CELF2: variants seen among roughly 807,000 people sequenced by gnomAD.
The protein encoded by CELF2 is CUG triplet repeat RNA-binding protein 2.
Under a neutral mutation model 62.6 loss-of-function variants are expected in CELF2, and 8 were observed. That is an observed-to-expected ratio of 0.13 (90% CI 0.07 to 0.23). The LOEUF is 0.23. CELF2 is among the 10% of genes least tolerant of loss of function. CELF2 has a pLI of 1.00. For synonymous variants in CELF2, 258 were observed against 250.0 expected (o/e 1.03, Z -0.30); for missense variants, 333 against 671.0 (o/e 0.50, Z 5.56).
chr10:11,025,152 CATTT>C (rs2058938834), intron 1 of CELF2, among the ~76,000 whole-genome samples: 1 of 151,642 alleles, frequency 6.6e-6, no homozygotes, highest in South Asian at 2.1e-4. Flanking sequence ...AGTATTTTGT[CATTT>C]ACTTGAATGT....
the CELF2 span, among the ~76,000 whole-genome samples, chr10:10,517,595 A>C: frequency 6.6e-6 from 1 of 152,100 alleles, no homozygotes; most frequent in Non-Finnish European, 1.5e-5. Flanking sequence ...AGTGAAACGC[A>C]CTGGAGACAT....
intron 8 of CELF2, among the ~76,000 whole-genome samples, chr10:11,276,378 A>C (rs1565708464): frequency 6.6e-6 from 1 of 152,366 alleles, no homozygotes; most frequent in East Asian, 1.9e-4. Context: ...GATTATTAGA[A>C]ATAGGAATAA....
At chr10:10,923,184 T>A (rs1400012461) in intron 2 of CELF2, 2 of 152,038 alleles carry the variant, frequency 1.3e-5, no homozygotes, top group African/African-American at 4.8e-5. Context: ...ACACTTCGAG[T>A]TTTTTCTGCA....
chr10:10,702,775 G>A, the CELF2 span, among the ~76,000 whole-genome samples: 2,513 of 152,254 alleles, frequency 0.017, 62 homozygotes, highest in African/African-American at 0.056. Context: ...TAGTAGAGAC[G>A]GGTTTTCGCC....
At chr10:10,698,092 G>A in the CELF2 span, among the ~76,000 whole-genome samples, 1 of 152,162 alleles carries the variant, frequency 6.6e-6, no homozygotes, top group African/African-American at 2.4e-5. Flanking sequence ...TGGGGGGTGG[G>A]GCACACACCT....
At chr10:10,516,963 C>T in the CELF2 span, among the ~76,000 whole-genome samples, 1 of 152,132 alleles carries the variant, frequency 6.6e-6, no homozygotes, top group Non-Finnish European at 1.5e-5. Context: ...CACAGCATGT[C>T]CCCTCTTTGA....
At chr10:10,674,234 T>A in the CELF2 span, among the ~76,000 whole-genome samples, 2 of 152,214 alleles carry the variant, frequency 1.3e-5, no homozygotes, top group African/African-American at 4.8e-5. Context: ...TAAGAACCAT[T>A]GTCTTCTTGG....
intron 7 of CELF2, among the ~76,000 whole-genome samples, chr10:11,271,236 G>C (rs1017757197): frequency 6.6e-6 from 1 of 152,210 alleles, no homozygotes; most frequent in Admixed American, 6.5e-5. Flanking sequence ...AGTGGAACCA[G>C]ATTGATGAAA....
chr10:11,144,292 A>G (rs78956346), intron 1 of CELF2, among the ~76,000 whole-genome samples: 6,751 of 152,314 alleles, frequency 0.044, 166 homozygotes, highest in Middle Eastern at 0.048. Flanking sequence ...TAGTTGGGCA[A>G]TTAGGCAAAA....
intron 1 of CELF2, among the ~76,000 whole-genome samples, chr10:11,026,373 C>T (rs4750014): frequency 0.74 from 112,128 of 152,136 alleles, 44,978 homozygotes; most frequent in East Asian, 0.89. Context: ...AATACCTACC[C>T]GCCTCCCCCG....
At chr10:10,776,045 A>G in the CELF2 span, among the ~76,000 whole-genome samples, 2 of 152,256 alleles carry the variant, frequency 1.3e-5, no homozygotes, top group African/African-American at 4.8e-5. Context: ...CAGAGGCATC[A>G]TTAATAGAAA....
chr10:10,576,121 T>C, the CELF2 span, among the ~76,000 whole-genome samples: 1 of 152,180 alleles, frequency 6.6e-6, no homozygotes, highest in Non-Finnish European at 1.5e-5. Context: ...CCCCAGATCT[T>C]TTCTGTTTCT....
the CELF2 span, among the ~76,000 whole-genome samples, chr10:10,710,693 G>C: frequency 6.6e-6 from 1 of 152,052 alleles, no homozygotes; most frequent in Non-Finnish European, 1.5e-5. Flanking sequence ...GGAGCAGTAA[G>C]GGTCCCATCT....
rs909555995 is a variant in CELF2, at chr10:11,316,384, G to A, written c.1096+2126G>A. Among the ~76,000 whole-genome samples the A allele has an allele frequency of 2.0e-5, 3 of 152,180 alleles. No individual in the cohort carries two copies. Among genetic ancestry groups the A allele is most frequent in the South Asian group, 2.1e-4 (1 of 4,824 alleles). ...TGGAAAGTGTTACTAATGCAGAGCC[G>A]TTTTACAATCTCCAGCATTGACCTC... On this transcript the variant is annotated intron_variant, in intron 10 of 12. Transcript: ENST00000633077. The surrounding 1 kb of genome is among the most constrained non-coding windows in gnomAD (Gnocchi z 4.4).
intron 1 of CELF2, among the ~76,000 whole-genome samples, chr10:10,878,780 C>T (rs574229714): frequency 9.9e-5 from 15 of 152,196 alleles, no homozygotes; most frequent in African/African-American, 2.6e-4. Flanking sequence ...TTTCTTTGCC[C>T]GCAAACACAC....
At chr10:10,662,297 G>T in the CELF2 span, among the ~76,000 whole-genome samples, 1 of 152,160 alleles carries the variant, frequency 6.6e-6, no homozygotes, top group Non-Finnish European at 1.5e-5. Context: ...ACCCTTCAGG[G>T]CTCAGATCCA....
chr10:11,233,339 A>G (rs950979582), intron 3 of CELF2, among the ~76,000 whole-genome samples: 4 of 152,178 alleles, frequency 2.6e-5, no homozygotes, highest in Non-Finnish European at 4.4e-5. Flanking sequence ...GACTGCAAGT[A>G]AAGGGTGTGA....
chr10:10,773,930 G>C, the CELF2 span, among the ~76,000 whole-genome samples: 63 of 152,276 alleles, frequency 4.1e-4, no homozygotes, highest in Middle Eastern at 0.01. Context: ...GAGTCAATGA[G>C]CGACAGGTTC....
intron 1 of CELF2, among the ~76,000 whole-genome samples, chr10:10,917,727 G>T (rs552516213): frequency 1.3e-5 from 2 of 152,320 alleles, no homozygotes; most frequent in South Asian, 4.1e-4. Context: ...CTACAGTGGG[G>T]CTGGTGGGGA....
Sources: allele counts gnomAD v4.1 joint callset (sites outside exome capture counted in the v4.1 genomes callset), GRCh38; gene constraint gnomAD v4.1.1; non-coding constraint Gnocchi (gnomAD v3.1); transcripts MANE v1.5; gene names NCBI Gene and HGNC (gene_info 2026-07-23, HGNC 2026-07-21).